FKTN: variants seen among roughly 807,000 people sequenced by gnomAD.
The protein encoded by FKTN is ribitol-5-phosphate transferase FKTN.
Under a neutral mutation model 58.6 loss-of-function variants are expected in FKTN, and 47 were observed. That is an observed-to-expected ratio of 0.80 (90% CI 0.63 to 1.02). FKTN has a LOEUF of 1.02. Among genes scored for constraint, FKTN ranks in the 50% least tolerant of loss-of-function variants. FKTN has a pLI of 0.00. For missense variants in FKTN, 516 were observed against 537.3 expected, an observed-to-expected ratio of 0.96 and a Z score of 0.39; for synonymous variants, 178 against 191.9, an observed-to-expected ratio of 0.93 and a Z score of 0.60.
chr9:105,569,478 A>G (rs1840348954), intron 1 of FKTN, among the ~76,000 whole-genome samples: 1 of 152,152 alleles, frequency 6.6e-6, no homozygotes, highest in African/African-American at 2.4e-5. Flanking sequence ...CCAAGAAAAG[A>G]TGAAAGGAAA....
At chr9:105,597,867 A>C (rs1468492875) in intron 4 of FKTN, among the ~76,000 whole-genome samples, 1 of 152,164 alleles carries the variant, frequency 6.6e-6, no homozygotes, top group African/African-American at 2.4e-5. Context: ...CAATTTCAGC[A>C]AAAAATTTAA....
intron 3 of FKTN, among the ~76,000 whole-genome samples, chr9:105,576,400 G>A (rs1841710914): frequency 1.3e-5 from 2 of 151,748 alleles, no homozygotes; most frequent in African/African-American, 4.9e-5. Flanking sequence ...TCCCACCTAT[G>A]AGTGAGAATA....
rs978618287 is a variant in FKTN at position 105,601,018 on chromosome 9, A to C, written c.166-127A>C. 3 of 640,404 alleles carry C rather than the reference A, an allele frequency of 4.7e-6. No homozygotes were observed. The African/African-American group carries it at 5.5e-5, about 12-fold the overall frequency. The allele number at this position is 640,404 out of a possible 1,614,324, so 39.7% of individuals were successfully genotyped here. On this transcript the variant is annotated intron_variant, in intron 4 of 10. Transcript: ENST00000357998. ...TTTAATCATTTGTATTTTTTAGCAC[A>C]ATGATAAGCATGGTATCTATTGGGT...
chr9:105,564,977 G>C (rs879235551), intron 1 of FKTN, among the ~76,000 whole-genome samples: 1 of 152,216 alleles, frequency 6.6e-6, no homozygotes, highest in East Asian at 1.9e-4. Flanking sequence ...AGCCAGAAGA[G>C]AGTGTGGGCC....
chr9:105,583,819 A>G (rs1275697544), intron 3 of FKTN, among the ~76,000 whole-genome samples: 2 of 152,056 alleles, frequency 1.3e-5, no homozygotes, highest in African/African-American at 4.8e-5. Flanking sequence ...TAATGTTTAA[A>G]TTTTTTCACT....
chr9:105,563,017 C>G (rs770481120), intron 1 of FKTN, among the ~76,000 whole-genome samples: 1 of 152,190 alleles, frequency 6.6e-6, no homozygotes, highest in African/African-American at 2.4e-5. Flanking sequence ...TTCATTCATT[C>G]ATTCAAACAG....
chr9:105,610,277 G>A (rs1829673227), intron 7 of FKTN, among the ~76,000 whole-genome samples: 1 of 151,942 alleles, frequency 6.6e-6, no homozygotes, highest in Non-Finnish European at 1.5e-5. Flanking sequence ...TTGCTATTTG[G>A]GTTTTGCTGC....
chr9:105,562,300 G>T (rs769646389), intron 1 of FKTN, among the ~76,000 whole-genome samples: 18 of 152,196 alleles, frequency 1.2e-4, no homozygotes, highest in Non-Finnish European at 2.2e-4. Context: ...TGGTGGCAGG[G>T]GACTAGGGAA....
rs79280223 is a variant in FKTN, at chr9:105,562,624, T to C, written c.-181+4459T>C. On this transcript the variant is annotated intron_variant, in intron 1 of 10. Transcript: ENST00000357998. Reference sequence around the variant, plus strand: ...ATCTTGTAGTCTTTCATTACCTTTATAAAGGCAGTTTAGTTTTGGAAAAGG... The same window carrying C: ...ATCTTGTAGTCTTTCATTACCTTTACAAAGGCAGTTTAGTTTTGGAAAAGG... 9.1e-3 allele frequency among the ~76,000 whole-genome samples: 1,379 copies of C among 152,352 alleles called. 21 individuals carry two copies. The highest frequency in any genetic ancestry group is 0.032 in the African/African-American group (1,321 of 41,582).
At chr9:105,605,483 T>C (rs1319195131) in intron 6 of FKTN, among the ~76,000 whole-genome samples, 1 of 152,148 alleles carries the variant, frequency 6.6e-6, no homozygotes, top group African/African-American at 2.4e-5. Flanking sequence ...AGGAATAATA[T>C]AACCACTGTT....
chr9:105,559,518 A>G (rs912077823), intron 1 of FKTN, among the ~76,000 whole-genome samples: 1 of 152,038 alleles, frequency 6.6e-6, no homozygotes, highest in Admixed American at 6.5e-5. Flanking sequence ...CCCTATCTCT[A>G]CTAAAAATAC....
At position 105,638,723 on chromosome 9, in the gene FKTN, A is replaced by G. The variant is rs1200474208; in HGVS notation, c.*3459A>G. ...TCTGCTTGGCTGGAAAGGAGACTAG[A>G]GTATCTAGTTTTTAGTATTTAAACT... On this transcript the variant is annotated 3_prime_UTR_variant, in exon 11 of 11. Coordinates refer to ENST00000357998, the MANE Select transcript of FKTN (RefSeq NM_001079802.2). The G allele has an allele frequency of 1.0e-6, 1 of 981,460 alleles. No homozygotes were observed. Among genetic ancestry groups the G allele is most frequent in the South Asian group, 4.7e-5 (1 of 21,208 alleles). 60.8% of individuals were successfully genotyped at this position (981,460 alleles called of 1,614,324 possible). A position where few individuals can be genotyped will look rare whatever the true frequency, so the allele number is the denominator to read the frequency against.
At chr9:105,562,554 A>G (rs979152729) in intron 1 of FKTN, among the ~76,000 whole-genome samples, 10 of 152,246 alleles carry the variant, frequency 6.6e-5, no homozygotes, top group African/African-American at 2.2e-4. Context: ...ACTGGTTATC[A>G]TTTAACTACA....
At position 105,606,208 on chromosome 9, in the gene FKTN, G is replaced by A. The variant is rs377745694; in HGVS notation, c.648-1611G>A. On this transcript the variant is annotated intron_variant, in intron 6 of 10. Transcript: ENST00000357998. ...ACAGAGAACTACAGGGAAACTGGAA[G>A]AATTTTATTTCTGTGGTGGAGACTT... Among the ~76,000 whole-genome samples, 46 of 152,150 alleles carry A rather than the reference G, an allele frequency of 3.0e-4. 1 individual carries two copies. The highest frequency in any genetic ancestry group is 9.6e-4 in the African/African-American group (40 of 41,548).
At chr9:105,564,059 C>A (rs1230869761) in intron 1 of FKTN, among the ~76,000 whole-genome samples, 1 of 152,134 alleles carries the variant, frequency 6.6e-6, no homozygotes, top group Non-Finnish European at 1.5e-5. Context: ...GGACCTCCAG[C>A]AAACTCCAAC....
rs549316366 is a variant in FKTN at position 105,575,231 on chromosome 9, G to C, written c.105+94G>C. 61 of 795,302 alleles carry C rather than the reference G, an allele frequency of 7.7e-5. No individual in the cohort carries two copies. In the South Asian group the frequency reaches 8.4e-4, roughly 11 times the overall value. The allele number at this position is 795,302 out of a possible 1,614,324, so 49.3% of individuals were successfully genotyped here. A position where few individuals can be genotyped will look rare whatever the true frequency, so the allele number is the denominator to read the frequency against. On this transcript the variant is annotated intron_variant, in intron 3 of 10. Coordinates refer to ENST00000357998, the MANE Select transcript of FKTN (RefSeq NM_001079802.2). ...CTTTGCAATACATAATATTAATCATGGGTATTCAAATTCTTGCATCTTTGC... is the reference window on the plus strand; with the variant it reads ...CTTTGCAATACATAATATTAATCATCGGTATTCAAATTCTTGCATCTTTGC...
chr9:105,630,454 C>T, intron 10 of FKTN, among the ~76,000 whole-genome samples: 1 of 152,148 alleles, frequency 6.6e-6, no homozygotes, highest in East Asian at 1.9e-4. Flanking sequence ...CTTTTCCCTA[C>T]CAGAGTATAC....
chr9:105,563,562 G>A (rs1243070199), intron 1 of FKTN, among the ~76,000 whole-genome samples: 1 of 151,800 alleles, frequency 6.6e-6, no homozygotes, highest in East Asian at 1.9e-4. Context: ...TTGTAGCACA[G>A]CAGTCTGAGA....
intron 7 of FKTN, among the ~76,000 whole-genome samples, chr9:105,608,946 T>G (rs889366190): frequency 2.6e-5 from 4 of 152,190 alleles, no homozygotes; most frequent in African/African-American, 9.7e-5. Flanking sequence ...TGGAGTTTTG[T>G]GCTTAAACTT....
Sources: allele counts gnomAD v4.1 joint callset (sites outside exome capture counted in the v4.1 genomes callset), GRCh38; gene constraint gnomAD v4.1.1; transcripts MANE v1.5; gene names NCBI Gene and HGNC (gene_info 2026-07-23, HGNC 2026-07-21).